The following LDB1 variants were observed in gnomAD, a reference collection of about 807,000 sequenced individuals.
The protein encoded by LDB1 is LIM domain binding 1, also known as LIM domain-binding protein 1.
Under a neutral mutation model 49.7 loss-of-function variants are expected in LDB1, and 6 were observed. That is an observed-to-expected ratio of 0.12 (90% confidence interval 0.07 to 0.24). LDB1 has a LOEUF of 0.24. Among genes scored for constraint, LDB1 ranks in the 10% least tolerant of loss-of-function variants. LDB1 has a pLI of 1.00. For missense variants in LDB1, 341 were observed against 561.7 expected (o/e 0.61, Z 3.97); for synonymous variants, 233 against 202.0 (o/e 1.15, Z -1.30).
upstream of LDB1, chr10:102,120,388 C>CGCGTGT (rs926451991): frequency 1.8e-3 from 1,801 of 984,262 alleles, 23 homozygotes; most frequent in African/African-American, 0.027. Flanking sequence ...TGCGTGTGTG[C>CGCGTGT]GCGTGTGCGT....
At chr10:102,114,350 C>T in intron 1 of LDB1, 1 of 986,300 alleles carries the variant, frequency 1.0e-6, no homozygotes, top group Non-Finnish European at 1.2e-6. Context: ...CAGGCCCGGG[C>T]CGGGCTGAGG....
Position 102,120,074 on chromosome 10 carries a change from C to A in LDB1, c.25+12G>T. 7.0e-7 allele frequency: 1 copy of A among 1,436,446 alleles called. No homozygotes were observed. The highest frequency in any genetic ancestry group is 9.2e-7 in the Non-Finnish European group (1 of 1,084,930). The allele number at this position is 1,436,446 out of a possible 1,614,324, so 89.0% of individuals were successfully genotyped here. On this transcript the variant is annotated intron_variant, in intron 1 of 10. Coordinates refer to ENST00000673968, the MANE Select transcript of LDB1 (RefSeq NM_001113407.3). ...GGCAGGAAGGGGCCGAGTGGCCGCACGCCCCACTCACCAGGACAGGCACAG... is the reference window on the plus strand; with the variant it reads ...GGCAGGAAGGGGCCGAGTGGCCGCAAGCCCCACTCACCAGGACAGGCACAG...
chr10:102,110,946 G>C lies in LDB1; in HGVS notation c.275C>G (p.Ala92Gly). 1.9e-6 allele frequency: 3 copies of C among 1,613,994 alleles called. No individual in the cohort carries two copies. The highest frequency in any genetic ancestry group is 1.1e-5 in the South Asian group (1 of 91,082). ...TEECDNLWWD[A>G]FTTEFFEDDA... ...ATCCTCAAAGAACTCAGTCGTGAAT[G>C]CATCCCACCAGAGATTGTCACACTC... Residue 92 changes from alanine to glycine, a missense_variant, in exon 5 of 11, where the codon GCA becomes GGA. Physicochemically the swap from Ala to Gly is moderately conservative, Grantham distance 60. Transcript: ENST00000673968.
At chr10:102,111,593 G>A in intron 1 of LDB1, 57 bp from the exon 2 acceptor site, 1 of 1,044,390 alleles carries the variant, frequency 9.6e-7, no homozygotes, top group South Asian at 1.7e-5. Flanking sequence ...CTGTAATCTA[G>A]CACTTTGGGA....
At chr10:102,119,421 A>C (rs903627312) in intron 1 of LDB1, among the ~76,000 whole-genome samples, 2 of 152,024 alleles carry the variant, frequency 1.3e-5, no homozygotes. Flanking sequence ...GTTTTGGGTC[A>C]AGTATTGCTC....
chr10:102,111,093 G>A lies in LDB1; in HGVS notation c.225C>T (p.Asn75=), dbSNP rs763681571. The A allele has an allele frequency of 1.2e-6, 2 of 1,614,168 alleles. No homozygotes were observed. Among genetic ancestry groups the A allele is most frequent in the East Asian group, 4.5e-5 (2 of 44,890 alleles). ...NQTDYRIFEL[N]KRLQNWTEEC... is the part of the protein sequence containing the mutation. ...CCTCTGTCCAGTTCTGAAGCCGTTT[G>A]TTAAGCTCAAATATTCTGTAGTCAG... is the stretch of plus-strand genomic sequence containing the variant. The change falls in exon 4 of 11, where the codon AAC becomes AAT. Residue 75 remains asparagine (N), a synonymous_variant. Coordinates refer to ENST00000673968, the MANE Select transcript of LDB1 (RefSeq NM_001113407.3).
chr10:102,113,381 C>T (rs1458182654), intron 1 of LDB1, among the ~76,000 whole-genome samples: 1 of 152,176 alleles, frequency 6.6e-6, no homozygotes. Flanking sequence ...GCAACAGGCC[C>T]TCACCCCATG....
chr10:102,104,521 T>C (rs2068139786), downstream of LDB1, among the ~76,000 whole-genome samples: 1 of 152,054 alleles, frequency 6.6e-6, no homozygotes, highest in Non-Finnish European at 1.5e-5. Flanking sequence ...GTCTCTCTCT[T>C]CCCTCACCCC....
In LDB1 at chr10:102,108,048, G is replaced by A; in HGVS notation, c.*45C>T. 1 of 1,409,564 alleles carries A rather than the reference G, an allele frequency of 7.1e-7. No individual in the cohort carries two copies. Among genetic ancestry groups the A allele is most frequent in the Non-Finnish European group, 1.0e-6 (1 of 997,226 alleles). 87.3% of individuals were successfully genotyped at this position (1,409,564 alleles called of 1,614,324 possible). A position where few individuals can be genotyped will look rare whatever the true frequency, so the allele number is the denominator to read the frequency against. ...TCTTCTGCTCCCTGGGGCTGTGAGG[G>A]GTGGGGCAGGTAGGCAGAGCACTGG... On this transcript the variant is annotated 3_prime_UTR_variant, in exon 11 of 11. Transcript: ENST00000673968.
At chr10:102,111,201 T>C in intron 3 of LDB1, 55 bp downstream of exon 3, 1 of 1,611,046 alleles carries the variant, frequency 6.2e-7, no homozygotes, top group Non-Finnish European at 8.5e-7. Flanking sequence ...CTCCACCCCC[T>C]ACCTCGGCCT....
At position 102,117,171 on chromosome 10, in the gene LDB1, C is replaced by T. The variant is rs1450424773; in HGVS notation, c.25+2915G>A. 1.3e-5 allele frequency among the ~76,000 whole-genome samples: 2 copies of T among 152,164 alleles called. No homozygotes were observed. The highest frequency in any genetic ancestry group is 2.9e-5 in the Non-Finnish European group (2 of 68,030). ...TTGCCTCCAGCCCAGAGCTCAGAAC[C>T]CCACACCCACCCTGTCTCCTCAGAC... On this transcript the variant is annotated intron_variant, in intron 1 of 10. Coordinates refer to ENST00000673968, the MANE Select transcript of LDB1 (RefSeq NM_001113407.3). This position sits in a 1 kb window ranked among gnomAD's most constrained non-coding sequence, Gnocchi z 4.2.
In LDB1 at chr10:102,114,915, C is replaced by G. The variant is rs3758554; in HGVS notation, c.26-3379G>C. ...TCACACTCGCACACTCAAACACACA[C>G]GCAGCGCCCGCCGGCTGCCTGCCTT... is the stretch of plus-strand genomic sequence containing the variant. On this transcript the variant is annotated intron_variant, in intron 1 of 10. Transcript: ENST00000673968. 2,066 of 875,980 alleles carry G rather than the reference C, an allele frequency of 2.4e-3. 17 individuals carry two copies. The East Asian group carries it at 0.063, about 27-fold the overall frequency. 54.3% of individuals were successfully genotyped at this position (875,980 alleles called of 1,614,324 possible).
chr10:102,114,615 G>C, intron 1 of LDB1: 1 of 985,372 alleles, frequency 1.0e-6, no homozygotes, highest in Non-Finnish European at 1.2e-6. Flanking sequence ...GCTGTCCCGG[G>C]GGAAAGTTAC....
chr10:102,109,878 G>T lies in LDB1; in HGVS notation c.648+43C>A. On this transcript the variant is annotated intron_variant, in intron 7 of 10. Transcript: ENST00000673968. The surrounding 1 kb of genome is among the most constrained non-coding windows in gnomAD (Gnocchi z 5.8). ...GCAGACCTTGTTCCACCCTTCCCCC[G>T]CCTGCCTTCACTCTTGCATCCTGGG... is the stretch of plus-strand genomic sequence containing the variant. 6.3e-7 allele frequency: 1 copy of T among 1,593,640 alleles called. No homozygotes were observed. The highest frequency in any genetic ancestry group is 8.5e-7 in the Non-Finnish European group (1 of 1,170,042).
At position 102,107,923 on chromosome 10, in the gene LDB1, G is replaced by T. The variant is rs929663050; in HGVS notation, c.*170C>A. The T allele has an allele frequency of 1.5e-6, 1 of 663,574 alleles. No individual in the cohort carries two copies. The highest frequency in any genetic ancestry group is 1.8e-5 in the South Asian group (1 of 55,940). The allele number at this position is 663,574 out of a possible 1,614,324, so 41.1% of individuals were successfully genotyped here. ...AGGCCAGGCCCAGCCCAGGGCCACTGGGGGGGCAAATCTTGGCACCTGCCC... is the reference window on the plus strand; with the variant it reads ...AGGCCAGGCCCAGCCCAGGGCCACTTGGGGGGCAAATCTTGGCACCTGCCC... On this transcript the variant is annotated 3_prime_UTR_variant, in exon 11 of 11. Coordinates refer to ENST00000673968, the MANE Select transcript of LDB1 (RefSeq NM_001113407.3).
rs1362281661 is a variant in LDB1, at chr10:102,107,477, C to G, written c.*616G>C. 1 of 153,000 alleles carries G rather than the reference C, an allele frequency of 6.5e-6. No individual in the cohort carries two copies. Among genetic ancestry groups the G allele is most frequent in the African/African-American group, 2.4e-5 (1 of 41,430 alleles). The allele number at this position is 153,000 out of a possible 1,614,324, so 9.5% of individuals were successfully genotyped here. ...CACCTCCCTCCCCCACTCTCACCCC[C>G]ACCTAGGCCCTAGGCCCCCATCTGC... On this transcript the variant is annotated 3_prime_UTR_variant, in exon 11 of 11. Transcript: ENST00000673968.
At chr10:102,114,738 C>CT (rs956376084) in intron 1 of LDB1, 25 of 822,254 alleles carry the variant, frequency 3.0e-5, no homozygotes, top group Non-Finnish European at 3.2e-5. Context: ...ATGGCTGCTC[C>CT]GCTCTTTCCT....
intron 6 of LDB1, 116 bp downstream of exon 6, chr10:102,110,413 T>C (rs1252296706): frequency 9.4e-7 from 1 of 1,065,486 alleles, no homozygotes; most frequent in African/African-American, 1.6e-5. Flanking sequence ...CCGCCCTTCT[T>C]ATTTTGCCAG....
In LDB1 at chr10:102,117,355, G is replaced by C. The variant is rs2133529605; in HGVS notation, c.25+2731C>G. On this transcript the variant is annotated intron_variant, in intron 1 of 10. Transcript: ENST00000673968. The surrounding 1 kb of genome is among the most constrained non-coding windows in gnomAD (Gnocchi z 4.2). Reference sequence around the variant, plus strand: ...CTGACCAGATTTACCCAGTTGCACAGGGGCAGAACAGGTCCAGCTAAAAAG... The same window carrying C: ...CTGACCAGATTTACCCAGTTGCACACGGGCAGAACAGGTCCAGCTAAAAAG... Among the ~76,000 whole-genome samples the C allele has an allele frequency of 6.6e-6, 1 of 152,338 alleles. No individual in the cohort carries two copies. Among genetic ancestry groups the C allele is most frequent in the Admixed American group, 6.5e-5 (1 of 15,302 alleles).
Sources: gnomAD v4.1 joint callset for allele counts (sites outside exome capture counted in the v4.1 genomes callset) on GRCh38, gnomAD v4.1.1 for gene constraint, Gnocchi (gnomAD v3.1) non-coding constraint, MANE v1.5 for transcripts, NCBI Gene and HGNC (gene_info 2026-07-23, HGNC 2026-07-21) for gene names.